The following FMNL2 variants were observed in gnomAD, a reference collection of about 807,000 sequenced individuals.
The protein encoded by FMNL2 is formin like 2, also known as formin-like protein 2.
Under a neutral mutation model 130.2 loss-of-function variants are expected in FMNL2, and 51 were observed. The ratio of observed to expected loss-of-function variants is 0.39; its 90% CI spans 0.31 to 0.49. The LOEUF (loss-of-function observed/expected upper bound fraction) is 0.49. Among genes scored for constraint, FMNL2 ranks in the 20% least tolerant of loss-of-function variants. The pLI is 0.85. For synonymous variants in FMNL2, 465 were observed against 467.1 expected (o/e 1.00, Z 0.06); for missense variants, 977 against 1,316.2 (o/e 0.74, Z 3.99).
intron 1 of FMNL2, among the ~76,000 whole-genome samples, chr2:152,402,082 T>G (rs966270770): frequency 1.3e-5 from 2 of 151,954 alleles, no homozygotes; most frequent in Admixed American, 1.3e-4. Context: ...TTTTGTATTT[T>G]TAGTAGAGAC....
intron 9 of FMNL2, among the ~76,000 whole-genome samples, chr2:152,588,890 G>C (rs568108418): frequency 6.6e-6 from 1 of 152,162 alleles, no homozygotes; most frequent in South Asian, 2.1e-4. Flanking sequence ...CATATGTTTT[G>C]TTCTGAAAGT....
intron 1 of FMNL2, among the ~76,000 whole-genome samples, chr2:152,482,171 C>G (rs533304709): frequency 6.6e-6 from 1 of 152,034 alleles, no homozygotes; most frequent in Non-Finnish European, 1.5e-5. Context: ...AAATGAAAAC[C>G]AAGTTTTCCA....
chr2:152,408,579 G>A (rs777359835), intron 1 of FMNL2, among the ~76,000 whole-genome samples: 3 of 151,934 alleles, frequency 2.0e-5, no homozygotes, highest in Non-Finnish European at 4.4e-5. Flanking sequence ...TAGACTTACG[G>A]GTTTTTTTTT....
At chr2:152,623,267 G>T (rs1219926821) in intron 15 of FMNL2, among the ~76,000 whole-genome samples, 2 of 152,204 alleles carry the variant, frequency 1.3e-5, no homozygotes, top group Admixed American at 1.3e-4. Flanking sequence ...CTGCTCCCCA[G>T]ATCCCTAACA....
intron 1 of FMNL2, among the ~76,000 whole-genome samples, chr2:152,410,454 T>G (rs1686218288): frequency 6.6e-6 from 1 of 152,220 alleles, no homozygotes; most frequent in Admixed American, 6.5e-5. Context: ...AGAGGAAGTC[T>G]GTTCATGGTC....
chr2:152,494,462 G>A (rs1328155551), intron 1 of FMNL2, among the ~76,000 whole-genome samples: 4 of 152,148 alleles, frequency 2.6e-5, no homozygotes, highest in Admixed American at 2.0e-4. Context: ...ATGCTGCAGT[G>A]TTTTCAGAGC....
intron 1 of FMNL2, among the ~76,000 whole-genome samples, chr2:152,400,805 A>G (rs568437807): frequency 6.6e-6 from 1 of 152,300 alleles, no homozygotes; most frequent in South Asian, 2.1e-4. Flanking sequence ...TCAACCAAAA[A>G]TGTCTGTAGA....
intron 1 of FMNL2, among the ~76,000 whole-genome samples, chr2:152,441,629 G>A (rs1688051346): frequency 6.6e-6 from 1 of 152,120 alleles, no homozygotes; most frequent in Non-Finnish European, 1.5e-5. Flanking sequence ...CTGAGGTCGG[G>A]AGTTCGAGAG....
rs77229639 is a variant in FMNL2 at position 152,596,726 on chromosome 2, C to T, written c.877-10613C>T. 8.4e-3 allele frequency among the ~76,000 whole-genome samples: 1,278 copies of T among 152,268 alleles called. 22 individuals are homozygous for T. The highest frequency in any genetic ancestry group is 0.029 in the African/African-American group (1,203 of 41,538). On this transcript the variant is annotated intron_variant, in intron 9 of 25. Coordinates refer to ENST00000288670, the MANE Select transcript of FMNL2 (RefSeq NM_052905.4). ...AGCTGCATTCTTAGATCTGCTTCTG[C>T]GTTTAGTCACTTCTGCTGTTGTTTT...
At chr2:152,391,092 T>A (rs958069325) in intron 1 of FMNL2, among the ~76,000 whole-genome samples, 4 of 152,234 alleles carry the variant, frequency 2.6e-5, no homozygotes, top group Non-Finnish European at 4.4e-5. Flanking sequence ...TCAATTACCA[T>A]CTGTTGTTGC....
rs978571124 is a variant in FMNL2 at position 152,648,614 on chromosome 2, T to C, written c.*709T>C. ...GCTTTTTAAATAATGCAAGTGTATT[T>C]ATTAGCATTAAAATTAACATCTCAG... On this transcript the variant is annotated 3_prime_UTR_variant, in exon 26 of 26. Coordinates refer to ENST00000288670, the MANE Select transcript of FMNL2 (RefSeq NM_052905.4). 2 of 152,640 alleles carry C rather than the reference T, an allele frequency of 1.3e-5. No homozygotes were observed. Among genetic ancestry groups the C allele is most frequent in the African/African-American group, 4.8e-5 (2 of 41,440 alleles). The allele number at this position is 152,640 out of a possible 1,614,324, so 9.5% of individuals were successfully genotyped here. A position where few individuals can be genotyped will look rare whatever the true frequency, so the allele number is the denominator to read the frequency against.
intron 1 of FMNL2, among the ~76,000 whole-genome samples, chr2:152,498,422 A>C (rs1691633732): frequency 6.6e-6 from 1 of 151,886 alleles, no homozygotes; most frequent in Non-Finnish European, 1.5e-5. Context: ...GTATTTTACC[A>C]TTTTTTTTAA....
At chr2:152,629,398 C>T (rs143077408) in intron 18 of FMNL2, among the ~76,000 whole-genome samples, 17 of 152,214 alleles carry the variant, frequency 1.1e-4, no homozygotes, top group Admixed American at 2.0e-4. Context: ...AGATTGGTTA[C>T]AGATTTTGTG....
chr2:152,376,413 T>C (rs1684179770), intron 1 of FMNL2, among the ~76,000 whole-genome samples: 1 of 152,240 alleles, frequency 6.6e-6, no homozygotes, highest in Non-Finnish European at 1.5e-5. Flanking sequence ...CTTCGAACAC[T>C]GCATGTACCT....
chr2:152,388,102 T>TTA (rs1205054157), intron 1 of FMNL2, among the ~76,000 whole-genome samples: 1 of 152,214 alleles, frequency 6.6e-6, no homozygotes, highest in Non-Finnish European at 1.5e-5. Context: ...CTTGCTCTGT[T>TTA]TATTTTGTAC....
intron 16 of FMNL2, among the ~76,000 whole-genome samples, chr2:152,626,272 A>C (rs1681778725): frequency 6.6e-6 from 1 of 152,104 alleles, no homozygotes; most frequent in Non-Finnish European, 1.5e-5. Flanking sequence ...CCTGACCTTA[A>C]GTGATCCACC....
At chr2:152,347,782 G>C (rs1682210264) in intron 1 of FMNL2, among the ~76,000 whole-genome samples, 1 of 152,122 alleles carries the variant, frequency 6.6e-6, no homozygotes, top group Admixed American at 6.6e-5. Flanking sequence ...GATAAAATTT[G>C]AGGGGCTCAT....
At chr2:152,519,570 C>T (rs1692962971) in intron 1 of FMNL2, among the ~76,000 whole-genome samples, 1 of 152,074 alleles carries the variant, frequency 6.6e-6, no homozygotes, top group Non-Finnish European at 1.5e-5. Flanking sequence ...TTTTGCTCTC[C>T]TGCAAAAAAA....
At chr2:152,573,908 G>A (rs1166092071) in intron 6 of FMNL2, among the ~76,000 whole-genome samples, 2 of 152,104 alleles carry the variant, frequency 1.3e-5, no homozygotes, top group Non-Finnish European at 2.9e-5. Context: ...TGTATTTTAA[G>A]TGTTGATCCA....
Sources: gnomAD v4.1 joint callset for allele counts (sites outside exome capture counted in the v4.1 genomes callset) on GRCh38, gnomAD v4.1.1 for gene constraint, MANE v1.5 for transcripts, NCBI Gene and HGNC (gene_info 2026-07-23, HGNC 2026-07-21) for gene names.